Variants in PCDH7 observed in about 807,000 individuals in gnomAD.
PCDH7 encodes protocadherin-7.
A neutral mutation model predicts 58.9 loss-of-function variants in PCDH7; 17 were observed. The observed-to-expected ratio is 0.29, with a 90% CI of 0.20 to 0.43. The LOEUF is 0.43. PCDH7 is among the 20% of genes least tolerant of loss of function. PCDH7 has a pLI of 1.00. For missense variants in PCDH7, 1,274 were observed against 1,441.0 expected, an observed-to-expected ratio of 0.88 and a Z score of 1.88; for synonymous variants, 664 against 616.4, an observed-to-expected ratio of 1.08 and a Z score of -1.14.
In PCDH7 at chr4:30,764,107, C is replaced by T. The variant is rs138260130; in HGVS notation, c.70+39511C>T. Among the ~76,000 whole-genome samples the T allele has an allele frequency of 3.7e-3, 558 of 152,232 alleles. 2 individuals carry two copies. The highest frequency in any genetic ancestry group is 0.013 in the African/African-American group (535 of 41,540). On this transcript the variant is annotated intron_variant, in intron 1 of 3. Coordinates refer to the PCDH7 transcript ENST00000509759. Reference sequence around the variant, plus strand: ...ATTTGAAAGATCCTAATCTTTCAGGCATTAGTAAGACATACATATTTCAAT... The same window carrying T: ...ATTTGAAAGATCCTAATCTTTCAGGTATTAGTAAGACATACATATTTCAAT...
At chr4:30,887,719 G>T (rs147751284) in intron 1 of PCDH7, among the ~76,000 whole-genome samples, 71 of 152,170 alleles carry the variant, frequency 4.7e-4, no homozygotes, top group Non-Finnish European at 7.1e-4. Flanking sequence ...TCAGTTTTAC[G>T]TGTGAAGGTT....
chr4:30,883,392 G>A (rs956682332), intron 1 of PCDH7, among the ~76,000 whole-genome samples: 1 of 152,076 alleles, frequency 6.6e-6, no homozygotes, highest in African/African-American at 2.4e-5. Context: ...TGTTTTCCTT[G>A]AAATATGTGT....
intron 3 of PCDH7, among the ~76,000 whole-genome samples, chr4:31,001,513 T>G (rs1752362368): frequency 6.6e-6 from 1 of 152,124 alleles, no homozygotes; most frequent in Non-Finnish European, 1.5e-5. Flanking sequence ...TATATACAGC[T>G]ACACATCTAA....
chr4:30,781,914 C>T (rs1284074395), intron 1 of PCDH7, among the ~76,000 whole-genome samples: 5 of 152,124 alleles, frequency 3.3e-5, no homozygotes, highest in South Asian at 2.1e-4. Context: ...ATAGTTCAAA[C>T]GGCGCTAATG....
intron 1 of PCDH7, among the ~76,000 whole-genome samples, chr4:30,823,897 CT>C (rs1457458397): frequency 2.6e-5 from 4 of 152,088 alleles, no homozygotes; most frequent in Non-Finnish European, 5.9e-5. Flanking sequence ...TCCAAAAGTG[CT>C]TTTCTTGTTT....
At chr4:31,078,203 T>G (rs769463705) in intron 3 of PCDH7, among the ~76,000 whole-genome samples, 4 of 152,118 alleles carry the variant, frequency 2.6e-5, no homozygotes, top group African/African-American at 4.8e-5. Flanking sequence ...GCAAGGAAGC[T>G]TATGTGAACC....
intron 3 of PCDH7, among the ~76,000 whole-genome samples, chr4:30,971,568 A>C (rs2109473414): frequency 6.6e-6 from 1 of 152,280 alleles, no homozygotes; most frequent in African/African-American, 2.4e-5. Context: ...GGGCTGCAAA[A>C]ACTTTTGAAT....
chr4:30,897,278 C>A (rs1739574934), intron 1 of PCDH7, among the ~76,000 whole-genome samples: 1 of 152,130 alleles, frequency 6.6e-6, no homozygotes, highest in Non-Finnish European at 1.5e-5. Context: ...ATTGAAAGTG[C>A]TTCGAAGATA....
At chr4:30,947,243 G>A (rs1746810999) in intron 2 of PCDH7, among the ~76,000 whole-genome samples, 1 of 152,014 alleles carries the variant, frequency 6.6e-6, no homozygotes, top group Non-Finnish European at 1.5e-5. Flanking sequence ...TTTTCCATGC[G>A]ATTCATATTG....
chr4:31,014,808 A>G (rs944273367), intron 3 of PCDH7, among the ~76,000 whole-genome samples: 1 of 152,122 alleles, frequency 6.6e-6, no homozygotes, highest in African/African-American at 2.4e-5. Context: ...CCCTTTACAG[A>G]GGCCTCTCCA....
intron 3 of PCDH7, among the ~76,000 whole-genome samples, chr4:30,979,015 C>G (rs1344197619): frequency 1.3e-5 from 2 of 151,884 alleles, no homozygotes; most frequent in Non-Finnish European, 2.9e-5. Context: ...AAGTTAATAA[C>G]AATTTTCATT....
At chr4:30,878,636 G>A (rs183287498) in intron 1 of PCDH7, among the ~76,000 whole-genome samples, 2 of 152,170 alleles carry the variant, frequency 1.3e-5, no homozygotes, top group African/African-American at 4.8e-5. Flanking sequence ...ATCACCTGAG[G>A]TCAGGAGTTC....
At chr4:30,806,884 T>G (rs975194906) in intron 1 of PCDH7, among the ~76,000 whole-genome samples, 6 of 151,940 alleles carry the variant, frequency 3.9e-5, no homozygotes, top group Non-Finnish European at 7.4e-5. Flanking sequence ...TATTGTAGAG[T>G]GTCACTTGTT....
chr4:31,017,133 G>A (rs1161410354), intron 3 of PCDH7, among the ~76,000 whole-genome samples: 1 of 152,088 alleles, frequency 6.6e-6, no homozygotes, highest in Non-Finnish European at 1.5e-5. Context: ...TTAGCCAACT[G>A]TAAAAGCTGC....
chr4:30,893,796 G>A (rs1286096109), intron 1 of PCDH7, among the ~76,000 whole-genome samples: 2 of 151,988 alleles, frequency 1.3e-5, no homozygotes, highest in African/African-American at 4.8e-5. Context: ...TTTCATTGAA[G>A]GACCACATGC....
At chr4:31,131,021 TTTTTGG>T in intron 3 of PCDH7, among the ~76,000 whole-genome samples, 1 of 152,226 alleles carries the variant, frequency 6.6e-6, no homozygotes, top group East Asian at 1.9e-4. Flanking sequence ...GATGCATACA[TTTTTGG>T]AGGGGACCAT....
In PCDH7 at chr4:30,985,059, C is replaced by T. The variant is rs193074037; in HGVS notation, c.*7+34844C>T. 2.1e-4 allele frequency among the ~76,000 whole-genome samples: 32 copies of T among 152,246 alleles called. No homozygotes were observed. The East Asian group carries it at 4.6e-3, about 22-fold the overall frequency. On this transcript the variant is annotated intron_variant, in intron 3 of 3. Transcript: ENST00000509759. ...TCCGCTCACTGCAACCTCCGCCTCG[C>T]GGGTTCAAATGATTCTCCTGCCCAG...
At chr4:30,733,295 A>C (rs1321200822), downstream of PCDH7, among the ~76,000 whole-genome samples, 1 of 152,160 alleles carries the variant, frequency 6.6e-6, no homozygotes, top group African/African-American at 2.4e-5. Flanking sequence ...AGACTGGTCT[A>C]TTTTAGAGTA....
intron 1 of PCDH7, among the ~76,000 whole-genome samples, chr4:30,869,945 G>A (rs148154564): frequency 0.032 from 4,925 of 152,208 alleles, 269 homozygotes; most frequent in African/African-American, 0.11. Flanking sequence ...TCCAGCATAT[G>A]TTGTTTTCTG....
Sources: allele counts gnomAD v4.1 joint callset (sites outside exome capture counted in the v4.1 genomes callset), GRCh38; gene constraint gnomAD v4.1.1; transcripts MANE v1.5; gene names NCBI Gene and HGNC (gene_info 2026-07-23, HGNC 2026-07-21).